The following GOLGA5 variants were observed in gnomAD, a reference collection of about 807,000 sequenced individuals.
GOLGA5 encodes the protein golgin A5, also known as golgin subfamily A member 5.
Under a neutral mutation model 93.5 loss-of-function variants are expected in GOLGA5, and 50 were observed. The ratio of observed to expected loss-of-function variants is 0.53; its 90% confidence interval spans 0.43 to 0.68. The LOEUF (loss-of-function observed/expected upper bound fraction) is 0.68. Ranked by LOEUF, GOLGA5 falls within the 30% of genes least tolerant of loss-of-function variation. The pLI is 0.00. For missense variants in GOLGA5, 760 were observed against 856.4 expected, an observed-to-expected ratio of 0.89 and a Z score of 1.40; for synonymous variants, 312 against 304.5, an observed-to-expected ratio of 1.02 and a Z score of -0.26.
chr14:92,827,615 G>C (rs1424750187), intron 9 of GOLGA5, among the ~76,000 whole-genome samples: 1 of 152,168 alleles, frequency 6.6e-6, no homozygotes, highest in East Asian at 1.9e-4. Context: ...GGAAGAGTCA[G>C]ATGTCTCTCA....
At chr14:92,821,163 A>G (rs1416653967) in intron 8 of GOLGA5, among the ~76,000 whole-genome samples, 2 of 152,188 alleles carry the variant, frequency 1.3e-5, no homozygotes, top group African/African-American at 4.8e-5. Flanking sequence ...ACTTCAAAAC[A>G]TATTATATTC....
chr14:92,811,761 A>G lies in GOLGA5; in HGVS notation c.1320+7A>G, dbSNP rs374806541. On this transcript the variant is annotated splice_region_variant and intron_variant, in intron 6 of 12. Transcript: ENST00000163416. ...AGCTACTAGAATACTGCAAGTAAGC[A>G]TGAAATGTACACTTTTGGATGTTAA... is the stretch of plus-strand genomic sequence containing the variant. 144 of 1,585,074 alleles carry G rather than the reference A, an allele frequency of 9.1e-5. No individual in the cohort carries two copies. The highest frequency in any genetic ancestry group is 1.2e-4 in the Non-Finnish European group (135 of 1,153,732).
At chr14:92,811,439 CTA>C (rs1885099588) in intron 5 of GOLGA5, 110 bp from the exon 6 acceptor site, 2 of 758,752 alleles carry the variant, frequency 2.6e-6, no homozygotes, top group South Asian at 1.7e-5. Context: ...CCCATCCCTA[CTA>C]TGTTGTTTGG....
intron 8 of GOLGA5, 102 bp downstream of exon 8, chr14:92,819,938 T>C (rs1378899903): frequency 8.9e-7 from 1 of 1,124,960 alleles, no homozygotes; most frequent in Non-Finnish European, 1.2e-6. Flanking sequence ...GAGTATGGGC[T>C]TAGGGTTACC....
chr14:92,837,218 T>C (rs1268150810), intron 11 of GOLGA5, among the ~76,000 whole-genome samples, 168 bp from the exon 12 acceptor site: 7 of 152,248 alleles, frequency 4.6e-5, no homozygotes, highest in African/African-American at 1.4e-4. Flanking sequence ...ATATTATTAT[T>C]TCAAGTAATC....
In GOLGA5 at chr14:92,819,581, T is replaced by A. The variant is rs1036659926; in HGVS notation, c.1492-127T>A. On this transcript the variant is annotated intron_variant, in intron 7 of 12. Transcript: ENST00000163416. ...CCAGGAGTTTGAGGCTGCCATGAAC[T>A]GTGATTGTGCCACTGCACTCCAGCC... 9.9e-6 allele frequency: 8 copies of A among 804,878 alleles called. No homozygotes were observed. The African/African-American group carries it at 1.4e-4, about 14-fold the overall frequency. The allele number at this position is 804,878 out of a possible 1,614,324, so 49.9% of individuals were successfully genotyped here.
chr14:92,812,479 C>T (rs535671766), intron 6 of GOLGA5, among the ~76,000 whole-genome samples: 71 of 152,300 alleles, frequency 4.7e-4, no homozygotes, highest in Admixed American at 4.3e-3. Context: ...GACCACTTTG[C>T]ACTATTTCCC....
intron 7 of GOLGA5, among the ~76,000 whole-genome samples, chr14:92,818,858 C>T (rs1205663993): frequency 6.6e-6 from 1 of 152,096 alleles, no homozygotes; most frequent in Admixed American, 6.5e-5. Flanking sequence ...GTTTTTGCTA[C>T]TAGGAGATTT....
At chr14:92,796,338 TGGGCCA>T (rs1884726909) in intron 1 of GOLGA5, among the ~76,000 whole-genome samples, 1 of 152,246 alleles carries the variant, frequency 6.6e-6, no homozygotes, top group African/African-American at 2.4e-5. Context: ...ATTGATTGGC[TGGGCCA>T]ACAGAAATTT....
intron 6 of GOLGA5, among the ~76,000 whole-genome samples, chr14:92,814,548 G>C (rs1885165259): frequency 6.6e-6 from 1 of 151,924 alleles, no homozygotes; most frequent in Non-Finnish European, 1.5e-5. Context: ...GAATGAGGTT[G>C]GGAGGTTTCT....
intron 10 of GOLGA5, among the ~76,000 whole-genome samples, chr14:92,834,408 A>G (rs1171903361): frequency 2.9e-5 from 4 of 139,656 alleles, no homozygotes; most frequent in African/African-American, 5.5e-5. Context: ...TCCTGTGTCC[A>G]TGTGTTCTCA....
intron 9 of GOLGA5, among the ~76,000 whole-genome samples, chr14:92,831,439 G>A (rs8019183): frequency 0.82 from 124,030 of 152,148 alleles, 51,223 homozygotes; most frequent in African/African-American, 0.94. Flanking sequence ...TAAAAGCCAT[G>A]TGCAAAAGGA....
chr14:92,823,571 A>C (rs113762629), intron 8 of GOLGA5, among the ~76,000 whole-genome samples: 12,129 of 151,166 alleles, frequency 0.08, 1,669 homozygotes, highest in African/African-American at 0.28. Flanking sequence ...CGCACCACCG[A>C]GCCTGGCTAA....
At chr14:92,817,878 A>G (rs963947903) in intron 7 of GOLGA5, among the ~76,000 whole-genome samples, 1 of 152,252 alleles carries the variant, frequency 6.6e-6, no homozygotes. Flanking sequence ...TATAGAATGC[A>G]GGTAAACAAA....
chr14:92,820,617 A>C (rs1292759911), intron 8 of GOLGA5, among the ~76,000 whole-genome samples: 1 of 152,164 alleles, frequency 6.6e-6, no homozygotes, highest in Non-Finnish European at 1.5e-5. Flanking sequence ...GCCATATCTC[A>C]GGCTATCACA....
rs765895691 is a variant in GOLGA5 at position 92,839,445 on chromosome 14, G to T, written c.2195G>T (p.Ter732LeuextTer58). 1 of 1,600,350 alleles carries T rather than the reference G, an allele frequency of 6.2e-7. No individual in the cohort carries two copies. The highest frequency in any genetic ancestry group is 8.5e-7 in the Non-Finnish European group (1 of 1,171,236). Residue 732 changes from the stop codon to leucine, a stop_lost, in exon 13 of 13, where the codon TGA becomes TTA. Transcript: ENST00000163416. ...EMHHDQPYGK[*>L] is the part of the protein sequence containing the mutation. ...CACCACGACCAACCATATGGCAAAT[G>T]AACCAAGCCCAGTTGTTGCAGTGAT... is the stretch of plus-strand genomic sequence containing the variant.
chr14:92,814,378 C>T (rs2140322524), intron 6 of GOLGA5, among the ~76,000 whole-genome samples: 1 of 152,158 alleles, frequency 6.6e-6, no homozygotes, highest in Non-Finnish European at 1.5e-5. Context: ...CCAACCACAG[C>T]ACGCGGCTCT....
chr14:92,835,458 C>T, intron 10 of GOLGA5, 101 bp from the exon 11 acceptor site: 1 of 677,500 alleles, frequency 1.5e-6, no homozygotes. Flanking sequence ...AGAAAGTTGC[C>T]CTTGAAAATT....
chr14:92,838,400 C>G (rs1188638798), intron 12 of GOLGA5, among the ~76,000 whole-genome samples: 1 of 151,848 alleles, frequency 6.6e-6, no homozygotes, highest in African/African-American at 2.4e-5. Flanking sequence ...CTGAGTCTCG[C>G]TCTGTCACCC....
Sources: gnomAD v4.1 joint callset for allele counts (sites outside exome capture counted in the v4.1 genomes callset) on GRCh38, gnomAD v4.1.1 for gene constraint, MANE v1.5 for transcripts, NCBI Gene and HGNC (gene_info 2026-07-23, HGNC 2026-07-21) for gene names.